ASS1: variants seen among roughly 807,000 people sequenced by gnomAD.
The protein encoded by ASS1 is argininosuccinate synthase 1, also known as argininosuccinate synthase.
Under a neutral mutation model 60.5 loss-of-function variants are expected in ASS1, and 58 were observed. That is an observed-to-expected ratio of 0.96 (90% CI 0.78 to 1.19). The LOEUF (loss-of-function observed/expected upper bound fraction) is 1.19. Ranked by LOEUF, ASS1 falls within the 50% of genes most tolerant of loss-of-function variation. The pLI is 0.00. For missense variants in ASS1, 454 were observed against 547.3 expected (o/e 0.83, Z 1.70); for synonymous variants, 200 against 206.9 (o/e 0.97, Z 0.29).
intron 13 of ASS1, among the ~76,000 whole-genome samples, chr9:130,498,512 C>G (rs1236846448): frequency 2.0e-5 from 3 of 152,210 alleles, no homozygotes; most frequent in Non-Finnish European, 4.4e-5. Context: ...CTCTTCCTTC[C>G]TTGGCACCTG....
intron 2 of ASS1, 135 bp from the exon 3 acceptor site, chr9:130,454,170 T>C: frequency 1.1e-6 from 1 of 909,460 alleles, no homozygotes; most frequent in Non-Finnish European, 1.8e-6. Context: ...TTTGTCCTTT[T>C]TCCTTCTTAC....
In ASS1 at chr9:130,470,811, C is replaced by T; in HGVS notation, c.496-23C>T. On this transcript the variant is annotated intron_variant, in intron 6 of 14. Coordinates refer to ENST00000352480, the MANE Select transcript of ASS1 (RefSeq NM_054012.4). The surrounding 1 kb of genome is among the most constrained non-coding windows in gnomAD (Gnocchi z 4.3). ...CGTCCTTCCAGCCGCCTTACCTCCACCTGTGCTGTCTCTTTCCTGCAGCAA... is the reference window on the plus strand; with the variant it reads ...CGTCCTTCCAGCCGCCTTACCTCCATCTGTGCTGTCTCTTTCCTGCAGCAA... The T allele has an allele frequency of 6.2e-7, 1 of 1,612,960 alleles. No homozygotes were observed. The highest frequency in any genetic ancestry group is 2.2e-5 in the East Asian group (1 of 44,878).
rs1846455169 is a variant in ASS1 at position 130,491,742 on chromosome 9, G to A, written c.970+2278G>A. ...ACAAGCCCTCTACATCCCAAACTGA[G>A]GTACAATGATTAGGAGACTTAAAAG... On this transcript the variant is annotated intron_variant, in intron 12 of 14. Transcript: ENST00000352480. The surrounding 1 kb of genome is among the most constrained non-coding windows in gnomAD (Gnocchi z 5.3). Among the ~76,000 whole-genome samples, 2 of 152,182 alleles carry A rather than the reference G, an allele frequency of 1.3e-5. No homozygotes were observed. Among genetic ancestry groups the A allele is most frequent in the Non-Finnish European group, 2.9e-5 (2 of 68,028 alleles).
In ASS1 at chr9:130,478,627, C is replaced by T. The variant is rs776299681; in HGVS notation, c.689-1089C>T. 2.6e-5 allele frequency among the ~76,000 whole-genome samples: 4 copies of T among 152,208 alleles called. No homozygotes were observed. The highest frequency in any genetic ancestry group is 7.2e-5 in the African/African-American group (3 of 41,452). ...GCTAAGAGGCTTTCTCCAGCAGCAG[C>T]ACCAACAATGTCACCTCTTCTCCCG... On this transcript the variant is annotated intron_variant, in intron 9 of 14. Coordinates refer to ENST00000352480, the MANE Select transcript of ASS1 (RefSeq NM_054012.4). This position sits in a 1 kb window ranked among gnomAD's most constrained non-coding sequence, Gnocchi z 4.7.
At chr9:130,469,286 G>A (rs1026115678) in intron 6 of ASS1, among the ~76,000 whole-genome samples, 8 of 152,316 alleles carry the variant, frequency 5.3e-5, no homozygotes, top group Admixed American at 2.6e-4. Context: ...AAATTCTAGA[G>A]TAGATCGTGG....
At chr9:130,472,065 G>C (rs966186762) in intron 8 of ASS1, among the ~76,000 whole-genome samples, 1 of 152,160 alleles carries the variant, frequency 6.6e-6, no homozygotes, top group African/African-American at 2.4e-5. Context: ...CCCGGGGGTA[G>C]GGGGCTTCTT....
intron 9 of ASS1, among the ~76,000 whole-genome samples, chr9:130,479,387 G>T (rs955079274): frequency 2.0e-5 from 3 of 152,178 alleles, no homozygotes; most frequent in Non-Finnish European, 4.4e-5. Flanking sequence ...GGTGCTCCCG[G>T]CGTAAGACAA....
chr9:130,496,958 G>A (rs1389358318), intron 13 of ASS1, among the ~76,000 whole-genome samples: 2 of 152,254 alleles, frequency 1.3e-5, no homozygotes, highest in African/African-American at 4.8e-5. Flanking sequence ...GTCTTGTTTG[G>A]CAGTCAATAT....
At chr9:130,474,130 G>A (rs1345433762) in intron 8 of ASS1, among the ~76,000 whole-genome samples, 1 of 137,918 alleles carries the variant, frequency 7.3e-6, no homozygotes, top group East Asian at 2.2e-4. Context: ...AGATGGCATT[G>A]ATACTTGGCA....
chr9:130,450,479 AG>A (rs1405956096), intron 1 of ASS1: 26 of 401,778 alleles, frequency 6.5e-5, no homozygotes, highest in African/African-American at 5.4e-4. Flanking sequence ...ACTCAGGGGC[AG>A]GGGGTTGAAT....
At chr9:130,445,240 GGGGGCGC>G (rs1845167667) in intron 1 of ASS1, 4 of 961,172 alleles carry the variant, frequency 4.2e-6, no homozygotes, top group South Asian at 4.8e-5. Flanking sequence ...GCGAGTCCCC[GGGGGCGC>G]GAGTCCCCGG....
At chr9:130,447,377 A>AC (rs1482107878) in intron 1 of ASS1, among the ~76,000 whole-genome samples, 1 of 152,366 alleles carries the variant, frequency 6.6e-6, no homozygotes, top group African/African-American at 2.4e-5. Flanking sequence ...GTGACTGTGA[A>AC]CATAGTAGCC....
At chr9:130,490,832 C>T (rs1319658693) in intron 12 of ASS1, among the ~76,000 whole-genome samples, 1 of 152,026 alleles carries the variant, frequency 6.6e-6, no homozygotes. Context: ...ACTCTCTGGC[C>T]CTTCCCACCC....
chr9:130,472,685 C>T (rs1196460755), intron 8 of ASS1, among the ~76,000 whole-genome samples: 8 of 152,188 alleles, frequency 5.3e-5, no homozygotes. Context: ...TGGCTGCTGC[C>T]TGCTGGTCAC....
At chr9:130,486,778 G>A (rs1846314692) in intron 11 of ASS1, among the ~76,000 whole-genome samples, 2 of 152,214 alleles carry the variant, frequency 1.3e-5, no homozygotes, top group South Asian at 4.1e-4. Flanking sequence ...CATGTCACCT[G>A]ACACCAGTAT....
chr9:130,450,724 A>G (rs1335377367), intron 1 of ASS1, among the ~76,000 whole-genome samples: 1 of 152,138 alleles, frequency 6.6e-6, no homozygotes, highest in Admixed American at 6.5e-5. Context: ...GGCCTGGGAA[A>G]GGCACTTCCT....
At chr9:130,450,544 G>A (rs1444096024) in intron 1 of ASS1, among the ~76,000 whole-genome samples, 1 of 152,210 alleles carries the variant, frequency 6.6e-6, no homozygotes, top group Non-Finnish European at 1.5e-5. Flanking sequence ...TGCCCCAGCT[G>A]CATGGTCCAT....
rs1043757348 is a variant in ASS1, at chr9:130,450,052, G to A, written c.-5-2172G>A. ...CCCGCAACCCAACCACACCACCCGCGCCATCACACGCAAACAGGGGTAGGC... is the reference window on the plus strand; with the variant it reads ...CCCGCAACCCAACCACACCACCCGCACCATCACACGCAAACAGGGGTAGGC... On this transcript the variant is annotated intron_variant, in intron 1 of 14. Transcript: ENST00000352480. Among the ~76,000 whole-genome samples, 17 of 152,150 alleles carry A rather than the reference G, an allele frequency of 1.1e-4. 1 individual carries two copies. The highest frequency in any genetic ancestry group is 4.1e-4 in the South Asian group (2 of 4,826).
At chr9:130,474,074 C>CCCCCCCCA (rs1554722814) in intron 8 of ASS1, among the ~76,000 whole-genome samples, 1 of 100,056 alleles carries the variant, frequency 1.0e-5, no homozygotes, top group Non-Finnish European at 2.2e-5. Context: ...CCCCCCCCCC[C>CCCCCCCCA]CACAGATGAC....
Sources: gnomAD v4.1 joint callset for allele counts (sites outside exome capture counted in the v4.1 genomes callset) on GRCh38, gnomAD v4.1.1 for gene constraint, Gnocchi (gnomAD v3.1) non-coding constraint, MANE v1.5 for transcripts, NCBI Gene and HGNC (gene_info 2026-07-23, HGNC 2026-07-21) for gene names.